Variants in KIT observed in about 807,000 individuals in gnomAD.
KIT encodes KIT proto-oncogene, receptor tyrosine kinase, also known as mast/stem cell growth factor receptor Kit.
Under a neutral mutation model 105.7 loss-of-function variants are expected in KIT, and 16 were observed. The ratio of observed to expected loss-of-function variants is 0.15; its 90% CI spans 0.10 to 0.23. KIT has a LOEUF of 0.23. KIT is among the 10% of genes least tolerant of loss of function. The pLI is 1.00. For missense variants in KIT, 858 were observed against 1,213.8 expected (o/e 0.71, Z 4.36); for synonymous variants, 438 against 441.1 (o/e 0.99, Z 0.09).
At chr4:54,684,050 G>T (rs917219039) in intron 1 of KIT, among the ~76,000 whole-genome samples, 1 of 152,198 alleles carries the variant, frequency 6.6e-6, no homozygotes, top group African/African-American at 2.4e-5. Context: ...TGTCCGTGTG[G>T]TTTAAGGCAG....
chr4:54,658,048 T>C lies in KIT; in HGVS notation c.34T>C (p.Cys12Arg). The change falls in exon 1 of 21, where the codon TGC (cysteine) becomes CGC (arginine). Residue 12 changes from cysteine to arginine, a missense_variant. Around this residue, in one of 7 missense-constraint regions of KIT, gnomAD observed 46 missense variants for 38.8 expected, o/e 1.19. Transcript: ENST00000288135. ...RGARGAWDFL[C>R]VLLLLLRVQT... Reference sequence around the variant, plus strand: ...CGCTCGCGGCGCCTGGGATTTTCTCTGCGTTCTGCTCCTACTGCTTCGCGT... The same window carrying C: ...CGCTCGCGGCGCCTGGGATTTTCTCCGCGTTCTGCTCCTACTGCTTCGCGT... 1 of 1,613,776 alleles carries C rather than the reference T, an allele frequency of 6.2e-7. No homozygotes were observed. Among genetic ancestry groups the C allele is most frequent in the Non-Finnish European group, 8.5e-7 (1 of 1,179,864 alleles).
At position 54,707,328 on chromosome 4, in the gene KIT, C is replaced by T. The variant is rs372599285; in HGVS notation, c.1115+41C>T. ...TGCCCTGGGGGATTACACATTACCC[C>T]CTTTTCCAGTGGGCTTATCAGATCT... On this transcript the variant is annotated intron_variant, in intron 6 of 20. Transcript: ENST00000288135. The T allele has an allele frequency of 3.7e-6, 5 of 1,356,086 alleles. No individual in the cohort carries two copies. The East Asian group carries it at 1.1e-4, about 31-fold the overall frequency. The allele number at this position is 1,356,086 out of a possible 1,614,324, so 84.0% of individuals were successfully genotyped here.
At chr4:54,700,242 G>A (rs1005388799) in intron 4 of KIT, among the ~76,000 whole-genome samples, 2 of 152,164 alleles carry the variant, frequency 1.3e-5, no homozygotes, top group African/African-American at 4.8e-5. Flanking sequence ...ATTTGAAGAT[G>A]GGTTTCTTTT....
intron 1 of KIT, among the ~76,000 whole-genome samples, chr4:54,692,727 G>T (rs60981528): frequency 6.6e-6 from 1 of 152,070 alleles, no homozygotes; most frequent in African/African-American, 2.4e-5. Flanking sequence ...TGGCCACTGC[G>T]TGCCCATATT....
rs144369407 is a variant in KIT at position 54,728,031 on chromosome 4, C to G, written c.1900C>G (p.Arg634Gly). 3 of 1,613,836 alleles carry G rather than the reference C, an allele frequency of 1.9e-6. No homozygotes were observed. The highest frequency in any genetic ancestry group is 2.2e-5 in the East Asian group (1 of 44,874). Residue 634 changes from arginine to glycine, a missense_variant, in exon 13 of 21, where the codon CGG (arginine) becomes GGG (glycine). By Grantham distance (125) the Arg-to-Gly change is moderately radical. Coordinates refer to ENST00000288135, the MANE Select transcript of KIT (RefSeq NM_000222.3). ...TTTAGCGAGTGCCCATTTGACAGAA[C>G]GGGAAGCCCTCATGTCTGAACTCAA... ...MLKPSAHLTEREALMSELKVL... is the reference protein window; with the variant it reads ...MLKPSAHLTEGEALMSELKVL...
intron 7 of KIT, among the ~76,000 whole-genome samples, chr4:54,721,514 G>C (rs991450510): frequency 1.3e-5 from 2 of 152,190 alleles, no homozygotes; most frequent in Non-Finnish European, 2.9e-5. Flanking sequence ...AACTCTCAAG[G>C]ATGCCCCTAC....
chr4:54,708,598 TA>T (rs1302543355), intron 6 of KIT, among the ~76,000 whole-genome samples: 2 of 152,010 alleles, frequency 1.3e-5, no homozygotes, highest in Non-Finnish European at 2.9e-5. Context: ...AGTAGCTCTG[TA>T]GAGGAGACAT....
rs1723143366 is a variant in KIT, at chr4:54,739,858, C to T, written c.*1301C>T. ...GCAGAGGAAGTGGAAGGCATCAGTC[C>T]CTATGTATTTGCAGTTCACCTGCAC... On this transcript the variant is annotated 3_prime_UTR_variant, in exon 21 of 21. Transcript: ENST00000288135. 2 of 233,250 alleles carry T rather than the reference C, an allele frequency of 8.6e-6. No individual in the cohort carries two copies. The highest frequency in any genetic ancestry group is 1.7e-5 in the Non-Finnish European group (2 of 117,930). 14.4% of individuals were successfully genotyped at this position (233,250 alleles called of 1,614,324 possible).
intron 1 of KIT, among the ~76,000 whole-genome samples, chr4:54,659,987 G>A (rs919276468): frequency 6.6e-6 from 1 of 152,120 alleles, no homozygotes; most frequent in Admixed American, 6.5e-5. Context: ...CTTAGGGCAG[G>A]TTGCTTAAAT....
intron 14 of KIT, 64 bp downstream of exon 14, chr4:54,729,549 C>CTGATTCTTTAAAA (rs1722459732): frequency 1.3e-6 from 2 of 1,513,410 alleles, no homozygotes; most frequent in Admixed American, 3.4e-5. Flanking sequence ...TAAGGGTTTG[C>CTGATTCTTTAAAA]AATCAAGGCT....
chr4:54,718,125 G>A (rs1044985665), intron 7 of KIT, among the ~76,000 whole-genome samples: 18 of 152,192 alleles, frequency 1.2e-4, no homozygotes, highest in African/African-American at 4.3e-4. Context: ...TTTTGAGACA[G>A]AGTCTTGTTC....
chr4:54,688,610 C>T (rs1489888453), intron 1 of KIT, among the ~76,000 whole-genome samples: 1 of 152,180 alleles, frequency 6.6e-6, no homozygotes, highest in Non-Finnish European at 1.5e-5. Context: ...TGACCTGGGC[C>T]AGCCACTGCT....
chr4:54,691,849 G>A (rs1190519908), intron 1 of KIT, among the ~76,000 whole-genome samples: 5 of 152,094 alleles, frequency 3.3e-5, no homozygotes, highest in African/African-American at 9.7e-5. Flanking sequence ...GGGATACAGG[G>A]TGTGTGGAGG....
chr4:54,691,862 G>C (rs1418055137), intron 1 of KIT, among the ~76,000 whole-genome samples: 2 of 152,032 alleles, frequency 1.3e-5, no homozygotes, highest in African/African-American at 4.8e-5. Context: ...TGTGGAGGGG[G>C]CTCTGAAGGA....
intron 7 of KIT, among the ~76,000 whole-genome samples, chr4:54,715,308 C>G (rs1721410718): frequency 6.7e-6 from 1 of 149,058 alleles, no homozygotes; most frequent in Non-Finnish European, 1.5e-5. Flanking sequence ...AGCCATCTAG[C>G]TTTTGGCCAG....
At position 54,739,966 on chromosome 4, in the gene KIT, T is replaced by C. The variant is rs1243268435; in HGVS notation, c.*1409T>C. ...AATGCTACTGTCTCACTGAAACATT[T>C]AAATTTTACCCTTTAGACTGTAGCC... is the stretch of plus-strand genomic sequence containing the variant. On this transcript the variant is annotated 3_prime_UTR_variant, in exon 21 of 21. Coordinates refer to ENST00000288135, the MANE Select transcript of KIT (RefSeq NM_000222.3). 4.3e-6 allele frequency: 1 copy of C among 233,462 alleles called. No homozygotes were observed. The highest frequency in any genetic ancestry group is 8.5e-6 in the Non-Finnish European group (1 of 117,984). The allele number at this position is 233,462 out of a possible 1,614,324, so 14.5% of individuals were successfully genotyped here. A position where few individuals can be genotyped will look rare whatever the true frequency, so the allele number is the denominator to read the frequency against.
intron 13 of KIT, among the ~76,000 whole-genome samples, chr4:54,728,802 C>T (rs1239543636): frequency 6.6e-6 from 1 of 152,178 alleles, no homozygotes; most frequent in Admixed American, 6.5e-5. Flanking sequence ...TTCTAAACTA[C>T]AGTTTAAACA....
chr4:54,692,909 C>T (rs1279730208), intron 1 of KIT, among the ~76,000 whole-genome samples: 2 of 152,144 alleles, frequency 1.3e-5, no homozygotes, highest in Admixed American at 1.3e-4. Context: ...CCACCACAGG[C>T]AATATTTGGC....
intron 1 of KIT, among the ~76,000 whole-genome samples, chr4:54,694,394 C>G (rs899657866): frequency 6.6e-6 from 1 of 152,194 alleles, no homozygotes; most frequent in African/African-American, 2.4e-5. Flanking sequence ...CTCTGTCACT[C>G]AGGCTGGAGT....
Sources: allele counts gnomAD v4.1 joint callset (sites outside exome capture counted in the v4.1 genomes callset), GRCh38; gene constraint gnomAD v4.1.1; regional missense constraint gnomAD v4.1.1; transcripts MANE v1.5; gene names NCBI Gene and HGNC (gene_info 2026-07-23, HGNC 2026-07-21).